The following DAAM2 variants were observed in gnomAD, a reference collection of about 807,000 sequenced individuals.
DAAM2 encodes the protein disheveled-associated activator of morphogenesis 2.
A neutral mutation model predicts 120.7 loss-of-function variants in DAAM2; 39 were observed. The observed-to-expected ratio is 0.32, with a 90% CI of 0.25 to 0.42. The LOEUF (loss-of-function observed/expected upper bound fraction) is 0.42. Ranked by LOEUF, DAAM2 falls within the 10% of genes least tolerant of loss-of-function variation. The pLI is 1.00. For missense variants in DAAM2, 1,283 were observed against 1,401.7 expected, an observed-to-expected ratio of 0.92 and a Z score of 1.35; for synonymous variants, 488 against 524.9, an observed-to-expected ratio of 0.93 and a Z score of 0.96.
chr6:39,858,593 T>C (rs1764096631), intron 2 of DAAM2, among the ~76,000 whole-genome samples: 1 of 152,216 alleles, frequency 6.6e-6, no homozygotes, highest in Non-Finnish European at 1.5e-5. Context: ...ACATTCTTTC[T>C]GTACATCAGT....
intron 1 of DAAM2, among the ~76,000 whole-genome samples, chr6:39,815,651 TACACACACAC>T (rs56736428): frequency 0.021 from 3,101 of 148,582 alleles, 109 homozygotes; most frequent in African/African-American, 0.07. Flanking sequence ...ACCCCTGGTT[TACACACACAC>T]ACACACACAC....
intron 1 of DAAM2, among the ~76,000 whole-genome samples, chr6:39,833,844 T>C (rs934926487): frequency 6.6e-6 from 1 of 152,218 alleles, no homozygotes; most frequent in African/African-American, 2.4e-5. Context: ...TTTAAATATT[T>C]TCCTTGTGAA....
chr6:39,856,302 C>A lies in DAAM2; in HGVS notation c.-1C>A. On this transcript the variant is annotated 5_prime_UTR_variant, in exon 2 of 25. Transcript: ENST00000274867. ...CTGACGCCCCCTGGCCTGCAGTGACCATGGCCCCCCGCAAGAGGAGCCACC... is the reference window on the plus strand; with the variant it reads ...CTGACGCCCCCTGGCCTGCAGTGACAATGGCCCCCCGCAAGAGGAGCCACC... The A allele has an allele frequency of 6.5e-7, 1 of 1,527,528 alleles. No homozygotes were observed. 94.6% of individuals were successfully genotyped at this position (1,527,528 alleles called of 1,614,324 possible).
At chr6:39,871,479 C>G (rs1486543206) in intron 8 of DAAM2, 27 bp from the exon 9 acceptor site, 4 of 1,546,794 alleles carry the variant, frequency 2.6e-6, no homozygotes, top group Non-Finnish European at 3.5e-6. Flanking sequence ...GTAATGTCTA[C>G]TCTCTCTGTC....
intron 1 of DAAM2, chr6:39,819,595 C>T (rs1049123813): frequency 1.3e-5 from 2 of 152,190 alleles, no homozygotes; most frequent in African/African-American, 4.8e-5. Context: ...AAAAGATGCT[C>T]AGTTAATTAG....
intron 1 of DAAM2, among the ~76,000 whole-genome samples, chr6:39,834,184 G>A (rs570955019): frequency 6.6e-6 from 1 of 152,322 alleles, no homozygotes; most frequent in South Asian, 2.1e-4. Context: ...ATGGGTTTCA[G>A]TTGGCTCCAC....
chr6:39,879,318 C>A lies in DAAM2; in HGVS notation c.1686C>A (p.Pro562=), dbSNP rs375042575. Residue 562 remains proline, a synonymous_variant, in exon 14 of 25, where the codon CCC becomes CCA. Coordinates refer to ENST00000274867, the MANE Select transcript of DAAM2 (RefSeq NM_001201427.2). ...CPPPPPPPLP[P]GGPPTPPGAP... ...CTCCCCCACCACCACCCCTTCCTCC[C>A]GGGGGACCCCCGACTCCCCCAGGTG... 159 of 1,587,006 alleles carry A rather than the reference C, an allele frequency of 1.0e-4. 1 individual carries two copies. The highest frequency in any genetic ancestry group is 3.4e-4 in the Middle Eastern group (2 of 5,948).
At chr6:39,809,778 C>A (rs2114052714) in intron 1 of DAAM2, among the ~76,000 whole-genome samples, 1 of 152,306 alleles carries the variant, frequency 6.6e-6, no homozygotes, top group South Asian at 2.1e-4. Flanking sequence ...AGGTTTGTAT[C>A]AGAATTTATA....
rs1453552986 is a variant in DAAM2, at chr6:39,898,953, G to T, written c.2679+16G>T. 1 of 1,603,896 alleles carries T rather than the reference G, an allele frequency of 6.2e-7. No homozygotes were observed. The highest frequency in any genetic ancestry group is 8.5e-7 in the Non-Finnish European group (1 of 1,174,134). On this transcript the variant is annotated intron_variant, in intron 22 of 24. Coordinates refer to ENST00000274867, the MANE Select transcript of DAAM2 (RefSeq NM_001201427.2). ...GGTGGAGGTGGTGAGTACCTTGTCAGTGCCTACCTGGGTGAGGGCTGCTGT... is the reference window on the plus strand; with the variant it reads ...GGTGGAGGTGGTGAGTACCTTGTCATTGCCTACCTGGGTGAGGGCTGCTGT...
In DAAM2 at chr6:39,879,287, G is replaced by GT; in HGVS notation, c.1656dup (p.Pro553SerfsTer38). On this transcript the variant is annotated frameshift_variant, in exon 14 of 25. Coordinates refer to ENST00000274867, the MANE Select transcript of DAAM2 (RefSeq NM_001201427.2). LOFTEE classifies it high-confidence loss of function. ...CCTCCTCCTCTGCCCTTTGCCTGTTGTCCCCCTCCCCCACCACCACCCCTT... is the reference window on the plus strand; with the variant it reads ...CCTCCTCCTCTGCCCTTTGCCTGTTGTTCCCCCTCCCCCACCACCACCCCTT... 62 of 1,435,822 alleles carry GT rather than the reference G, an allele frequency of 4.3e-5. No homozygotes were observed. Among genetic ancestry groups the GT allele is most frequent in the South Asian group, 1.8e-4 (14 of 78,756 alleles). The allele number at this position is 1,435,822 out of a possible 1,614,324, so 88.9% of individuals were successfully genotyped here.
intron 14 of DAAM2, chr6:39,882,386 A>G (rs559418468): frequency 6.6e-6 from 1 of 152,136 alleles, no homozygotes; most frequent in Non-Finnish European, 1.5e-5. Flanking sequence ...CAGCTGTCTC[A>G]TGGGAAATTC....
At chr6:39,852,406 G>A (rs1024191359) in intron 1 of DAAM2, among the ~76,000 whole-genome samples, 1 of 152,176 alleles carries the variant, frequency 6.6e-6, no homozygotes, top group Non-Finnish European at 1.5e-5. Context: ...AGAGCCCAGG[G>A]AAAAGCACAG....
intron 1 of DAAM2, among the ~76,000 whole-genome samples, chr6:39,816,864 C>T (rs563516474): frequency 1.1e-4 from 17 of 152,336 alleles, no homozygotes; most frequent in Admixed American, 6.5e-4. Flanking sequence ...TAACGCTCCC[C>T]GTGTGGCGGG....
chr6:39,847,035 G>T (rs1265940206), intron 1 of DAAM2, among the ~76,000 whole-genome samples: 9 of 152,164 alleles, frequency 5.9e-5, no homozygotes, highest in Admixed American at 5.9e-4. Flanking sequence ...CTGTGCCTGT[G>T]GGTCCTGAGG....
At chr6:39,803,760 G>T (rs1269029866) in intron 1 of DAAM2, among the ~76,000 whole-genome samples, 1 of 152,226 alleles carries the variant, frequency 6.6e-6, no homozygotes, top group African/African-American at 2.4e-5. Flanking sequence ...TGTGCAGGCT[G>T]TGGGGTGGGG....
intron 1 of DAAM2, among the ~76,000 whole-genome samples, chr6:39,854,445 A>C (rs1301063996): frequency 3.9e-5 from 6 of 152,198 alleles, no homozygotes; most frequent in Non-Finnish European, 8.8e-5. Context: ...AACCAGTAGT[A>C]CAACGGCAAT....
At chr6:39,868,787 C>T (rs753127742) in intron 6 of DAAM2, 36 bp from the exon 7 acceptor site, 2 of 1,493,308 alleles carry the variant, frequency 1.3e-6, no homozygotes, top group South Asian at 1.2e-5. Context: ...GGGAACTCAG[C>T]CCTCTCCTCC....
intron 15 of DAAM2, chr6:39,884,924 T>G (rs1306914748): frequency 6.6e-6 from 1 of 152,268 alleles, no homozygotes; most frequent in African/African-American, 2.4e-5. Context: ...TCTAAGTCCA[T>G]TTGGGGAATG....
Position 39,902,114 on chromosome 6 carries a change from T to C in DAAM2, c.*77T>C. ...GGGCTGAGTGGAGGAGGTGGTGATA[T>C]TTAAACCATTTGGTGCTTGGTTTAG... On this transcript the variant is annotated 3_prime_UTR_variant, in exon 25 of 25. Coordinates refer to ENST00000274867, the MANE Select transcript of DAAM2 (RefSeq NM_001201427.2). 7.7e-7 allele frequency: 1 copy of C among 1,294,388 alleles called. No individual in the cohort carries two copies. 80.2% of individuals were successfully genotyped at this position (1,294,388 alleles called of 1,614,324 possible). A position where few individuals can be genotyped will look rare whatever the true frequency, so the allele number is the denominator to read the frequency against.
Sources: gnomAD v4.1 joint callset for allele counts (sites outside exome capture counted in the v4.1 genomes callset) on GRCh38, gnomAD v4.1.1 for gene constraint, MANE v1.5 for transcripts, NCBI Gene and HGNC (gene_info 2026-07-23, HGNC 2026-07-21) for gene names.